DNM2: variants seen among roughly 807,000 people sequenced by gnomAD.
The protein encoded by DNM2 is dynamin-2.
A neutral mutation model predicts 99.0 loss-of-function variants in DNM2; 15 were observed. The ratio of observed to expected loss-of-function variants is 0.15; its 90% CI spans 0.10 to 0.23. The LOEUF is 0.23. Among genes scored for constraint, DNM2 ranks in the 10% least tolerant of loss-of-function variants. The pLI, the probability that DNM2 is intolerant of heterozygous loss-of-function variation, is 1.00. For missense variants in DNM2, 742 were observed against 1,189.4 expected (o/e 0.62, Z 5.53); for synonymous variants, 525 against 481.2 (o/e 1.09, Z -1.19).
Position 10,772,767 on chromosome 19 carries a change from C to G in DNM2, c.385+139C>G. On this transcript the variant is annotated intron_variant, in intron 3 of 20. Coordinates refer to ENST00000389253, the MANE Select transcript of DNM2 (RefSeq NM_001005361.3). This position sits in a 1 kb window ranked among gnomAD's most constrained non-coding sequence, Gnocchi z 4.9. ...GTTGATATTCACACACACATAGCCC[C>G]TTGATCTGTATCTTCCCACTTGTGC... The G allele has an allele frequency of 7.5e-7, 1 of 1,328,204 alleles. No homozygotes were observed. Among genetic ancestry groups the G allele is most frequent in the Non-Finnish European group, 1.0e-6 (1 of 956,722 alleles). The allele number at this position is 1,328,204 out of a possible 1,614,324, so 82.3% of individuals were successfully genotyped here.
At position 10,825,049 on chromosome 19, in the gene DNM2, G is replaced by A. The variant is rs558330407; in HGVS notation, c.1894-8G>A. Reference sequence around the variant, plus strand: ...GTCACCCCTCAGCACCTCCCCTCCCGCTTGCAGGCAGAAAACGAGGATGGG... The same window carrying A: ...GTCACCCCTCAGCACCTCCCCTCCCACTTGCAGGCAGAAAACGAGGATGGG... On this transcript the variant is annotated splice_region_variant and splice_polypyrimidine_tract_variant and intron_variant, in intron 17 of 20. Coordinates refer to ENST00000389253, the MANE Select transcript of DNM2 (RefSeq NM_001005361.3). 26 of 1,613,994 alleles carry A rather than the reference G, an allele frequency of 1.6e-5. No individual in the cohort carries two copies. Among genetic ancestry groups the A allele is most frequent in the East Asian group, 6.7e-5 (3 of 44,864 alleles).
intron 16 of DNM2, among the ~76,000 whole-genome samples, chr19:10,821,381 G>A (rs2072962903): frequency 6.6e-6 from 1 of 152,146 alleles, no homozygotes; most frequent in African/African-American, 2.4e-5. Flanking sequence ...TAAGATGGTT[G>A]ATAGTTTTTT....
chr19:10,725,996 G>A (rs2069101692), intron 1 of DNM2, among the ~76,000 whole-genome samples: 2 of 152,008 alleles, frequency 1.3e-5, no homozygotes, highest in Admixed American at 6.6e-5. Flanking sequence ...CGAGGCGGGC[G>A]GATCACGGGG....
intron 16 of DNM2, among the ~76,000 whole-genome samples, chr19:10,822,003 C>T (rs929577623): frequency 2.6e-5 from 4 of 152,154 alleles, no homozygotes; most frequent in Non-Finnish European, 5.9e-5. Context: ...ACAAACCCAA[C>T]TCTCACTTAA....
intron 11 of DNM2, among the ~76,000 whole-genome samples, chr19:10,800,632 T>C (rs538850222): frequency 6.6e-6 from 1 of 152,348 alleles, no homozygotes; most frequent in Admixed American, 6.5e-5. Context: ...CCTACTTTAT[T>C]CTCAGGAACT....
intron 8 of DNM2, 39 bp downstream of exon 8, chr19:10,793,894 A>G (rs1429916964): frequency 1.5e-5 from 24 of 1,613,744 alleles, no homozygotes; most frequent in African/African-American, 4.0e-5. Flanking sequence ...GTCTCTGGTC[A>G]GGCACCCTCC....
At chr19:10,745,375 C>A (rs1334058144) in intron 1 of DNM2, among the ~76,000 whole-genome samples, 1 of 152,134 alleles carries the variant, frequency 6.6e-6, no homozygotes, top group Non-Finnish European at 1.5e-5. Flanking sequence ...TTTCTGGGTG[C>A]TGGGGAAAGG....
intron 2 of DNM2, among the ~76,000 whole-genome samples, chr19:10,767,830 G>A (rs1297316956): frequency 2.6e-5 from 4 of 152,070 alleles, no homozygotes; most frequent in Admixed American, 6.5e-5. Context: ...AGCTTGAACC[G>A]GGGAGGCAGA....
intron 15 of DNM2, among the ~76,000 whole-genome samples, 180 bp from the exon 16 acceptor site, chr19:10,819,800 G>A (rs2072911929): frequency 6.6e-6 from 1 of 152,182 alleles, no homozygotes; most frequent in Non-Finnish European, 1.5e-5. Context: ...ATCATGGAGG[G>A]CAGCGTGGCT....
In DNM2 at chr19:10,830,167, C is replaced by T. The variant is rs774220956; in HGVS notation, c.2332C>T (p.Pro778Ser). The change falls in exon 20 of 21, where the codon CCT becomes TCT. Residue 778 changes from proline (P) to serine (S), a missense_variant. By Grantham distance (74) the Pro-to-Ser change is moderately conservative. This residue lies in a region of DNM2 where 187 missense variants were observed against 218.8 expected (regional missense o/e 0.85). Transcript: ENST00000389253. This position sits in a 1 kb window ranked among gnomAD's most constrained non-coding sequence, Gnocchi z 4.8. ...QRRPVSSIHP[P>S]GRPPAVRGPT... ...CCGACCGGTGTCCAGCATACACCCC[C>T]CTGGCCGGCCCCCAGCAGTGAGGGG... is the stretch of plus-strand genomic sequence containing the variant. 1 of 1,613,774 alleles carries T rather than the reference C, an allele frequency of 6.2e-7. No homozygotes were observed. The highest frequency in any genetic ancestry group is 8.5e-7 in the Non-Finnish European group (1 of 1,179,764).
intron 7 of DNM2, among the ~76,000 whole-genome samples, chr19:10,787,589 C>T (rs886498426): frequency 4.1e-5 from 6 of 146,174 alleles, no homozygotes; most frequent in African/African-American, 1.3e-4. Context: ...CCTGTCTCTA[C>T]TCAACGTACA....
intron 1 of DNM2, among the ~76,000 whole-genome samples, chr19:10,746,303 G>GT (rs2069966569): frequency 6.6e-6 from 1 of 151,820 alleles, no homozygotes; most frequent in Non-Finnish European, 1.5e-5. Context: ...GAGGCAGGGA[G>GT]TGAGGGGGTG....
intron 1 of DNM2, chr19:10,755,211 C>T (rs2070339766): frequency 1.3e-5 from 2 of 152,202 alleles, no homozygotes; most frequent in African/African-American, 2.4e-5. Context: ...GACTGTAGTC[C>T]ATCAGTGCAA....
At chr19:10,744,339 A>AGAGATAC (rs1325998232) in intron 1 of DNM2, among the ~76,000 whole-genome samples, 5 of 152,194 alleles carry the variant, frequency 3.3e-5, no homozygotes, top group Middle Eastern at 6.8e-3. Context: ...GGATCTGCCG[A>AGAGATAC]GAGATACGCT....
At chr19:10,819,674 G>C (rs2072906018) in intron 15 of DNM2, among the ~76,000 whole-genome samples, 1 of 152,174 alleles carries the variant, frequency 6.6e-6, no homozygotes, top group Admixed American at 6.6e-5. Flanking sequence ...GGATGGAGGT[G>C]GGGAGGGTGC....
intron 2 of DNM2, among the ~76,000 whole-genome samples, chr19:10,760,827 A>ATTTT (rs57290103): frequency 0.041 from 1,685 of 41,282 alleles, 349 homozygotes; most frequent in Middle Eastern, 0.06. Flanking sequence ...CACCCAGCTG[A>ATTTT]TTTTTTTTTT....
At chr19:10,769,219 TC>T (rs1386086916) in intron 2 of DNM2, 1 of 152,338 alleles carries the variant, frequency 6.6e-6, no homozygotes, top group Non-Finnish European at 1.5e-5. Context: ...ATTTTACAGA[TC>T]AGTAGACTGA....
intron 2 of DNM2, among the ~76,000 whole-genome samples, chr19:10,769,092 G>A (rs1203258890): frequency 6.6e-6 from 1 of 152,158 alleles, no homozygotes; most frequent in Non-Finnish European, 1.5e-5. Flanking sequence ...TGCTGTCTTT[G>A]CCACATCATT....
chr19:10,741,636 G>A (rs1255979323), intron 1 of DNM2, among the ~76,000 whole-genome samples: 2 of 150,410 alleles, frequency 1.3e-5, no homozygotes, highest in Admixed American at 1.3e-4. Flanking sequence ...TGCAAGCTCC[G>A]CCTCCCGGGT....
Sources: gnomAD v4.1 joint callset for allele counts (sites outside exome capture counted in the v4.1 genomes callset) on GRCh38, gnomAD v4.1.1 for gene constraint, gnomAD v4.1.1 regional missense constraint, Gnocchi (gnomAD v3.1) non-coding constraint, MANE v1.5 for transcripts, NCBI Gene and HGNC (gene_info 2026-07-23, HGNC 2026-07-21) for gene names.